The following DNAH8 variants were observed in gnomAD, a reference collection of about 807,000 sequenced individuals.
DNAH8 encodes axonemal beta dynein heavy chain 8.
A neutral mutation model predicts 562.1 loss-of-function variants in DNAH8; 382 were observed. The ratio of observed to expected loss-of-function variants is 0.68; its 90% CI spans 0.63 to 0.74. The LOEUF (loss-of-function observed/expected upper bound fraction) is 0.74, where lower values mean the gene tolerates loss of function less well. Among genes scored for constraint, DNAH8 ranks in the 30% least tolerant of loss-of-function variants. DNAH8 has a pLI of 0.00. For synonymous variants in DNAH8, 1,881 were observed against 1,919.4 expected (o/e 0.98, Z 0.52); for missense variants, 5,203 against 5,620.4 (o/e 0.93, Z 2.37).
intron 47 of DNAH8, among the ~76,000 whole-genome samples, chr6:38,867,526 T>G (rs1777132028): frequency 6.6e-6 from 1 of 150,842 alleles, no homozygotes; most frequent in African/African-American, 2.4e-5. Context: ...GAGTGGATCA[T>G]GAGGTCGGGA....
intron 20 of DNAH8, among the ~76,000 whole-genome samples, chr6:38,791,091 T>C (rs1045847010): frequency 6.6e-6 from 1 of 152,198 alleles, no homozygotes; most frequent in African/African-American, 2.4e-5. Context: ...TTCTGACATA[T>C]TGGCTACATA....
chr6:38,948,150 T>A (rs1761583231), intron 80 of DNAH8, among the ~76,000 whole-genome samples: 1 of 152,120 alleles, frequency 6.6e-6, no homozygotes, highest in Admixed American at 6.5e-5. Flanking sequence ...GTATCCTGTA[T>A]GATGAATTGT....
intron 85 of DNAH8, among the ~76,000 whole-genome samples, chr6:38,978,915 C>A (rs1763849669): frequency 6.6e-6 from 1 of 152,170 alleles, no homozygotes; most frequent in African/African-American, 2.4e-5. Flanking sequence ...TTCCTAAAAT[C>A]ATCAGTCACC....
intron 26 of DNAH8, among the ~76,000 whole-genome samples, chr6:38,821,751 A>G: frequency 6.6e-6 from 1 of 152,068 alleles, no homozygotes; most frequent in East Asian, 1.9e-4. Flanking sequence ...TTGTGGAGAT[A>G]GGATTTTGCC....
rs1777632335 is a variant in DNAH8, at chr6:38,873,496, G to T, written c.7620+120G>T. 2.5e-6 allele frequency: 2 copies of T among 810,046 alleles called. 1 individual carries two copies. The highest frequency in any genetic ancestry group is 3.7e-6 in the Non-Finnish European group (2 of 540,394). The allele number at this position is 810,046 out of a possible 1,614,324, so 50.2% of individuals were successfully genotyped here. On this transcript the variant is annotated intron_variant, in intron 52 of 92. Coordinates refer to ENST00000327475, the MANE Select transcript of DNAH8 (RefSeq NM_001206927.2). ...TCCATAAAAATCATTTGATGATGTG[G>T]CTGTAAAAGCTCTGATAATTTTGAT...
At chr6:38,775,169 A>G (rs962017523) in intron 12 of DNAH8, among the ~76,000 whole-genome samples, 1 of 152,346 alleles carries the variant, frequency 6.6e-6, no homozygotes, top group South Asian at 2.1e-4. Flanking sequence ...GCCTGTGGAC[A>G]TGAATTTTTT....
At chr6:38,926,663 T>C (rs1782147429) in intron 74 of DNAH8, among the ~76,000 whole-genome samples, 1 of 152,216 alleles carries the variant, frequency 6.6e-6, no homozygotes, top group Non-Finnish European at 1.5e-5. Flanking sequence ...CCAACATTCC[T>C]GACTCCCTTA....
At chr6:38,992,035 G>A (rs1764827399) in intron 88 of DNAH8, among the ~76,000 whole-genome samples, 1 of 151,736 alleles carries the variant, frequency 6.6e-6, no homozygotes, top group South Asian at 2.1e-4. Flanking sequence ...GCACGATCTT[G>A]GCTCACCACA....
rs770755726 is a variant in DNAH8 at position 38,795,579 on chromosome 6, CAGA to C, written c.2901+3907_2901+3909del. Among the ~76,000 whole-genome samples the C allele has an allele frequency of 4.0e-4, 43 of 107,510 alleles. 2 individuals are homozygous for C. The East Asian group carries it at 4.3e-3, about 11-fold the overall frequency. 70.5% of individuals were successfully genotyped at this position (107,510 alleles called of 152,430 possible). ...TGGGCGACAGAGCGAGACTGTGTCT[CAGA>C]AAAAAAAAAAAAAGAGTGTAAGTCA... is the stretch of plus-strand genomic sequence containing the variant. On this transcript the variant is annotated intron_variant, in intron 21 of 92. Transcript: ENST00000327475.
At chr6:38,974,347 A>G (rs747859358) in intron 84 of DNAH8, 27 bp from the exon 85 acceptor site, 1 of 1,562,866 alleles carries the variant, frequency 6.4e-7, no homozygotes, top group Non-Finnish European at 8.7e-7. Context: ...TTATAGAAAC[A>G]AAAGCACTGT....
intron 88 of DNAH8, among the ~76,000 whole-genome samples, chr6:38,994,279 C>G (rs573716605): frequency 4.6e-5 from 7 of 152,046 alleles, no homozygotes; most frequent in Admixed American, 1.3e-4. Flanking sequence ...GATAACAACC[C>G]TTTGTTTGTG....
intron 11 of DNAH8, among the ~76,000 whole-genome samples, chr6:38,768,903 T>A (rs1222562125): frequency 1.3e-5 from 2 of 152,214 alleles, no homozygotes; most frequent in Non-Finnish European, 2.9e-5. Flanking sequence ...TCTTGTTATT[T>A]TTGGGAATAG....
chr6:38,930,586 G>A (rs570749916), intron 75 of DNAH8, among the ~76,000 whole-genome samples: 1 of 152,168 alleles, frequency 6.6e-6, no homozygotes, highest in East Asian at 1.9e-4. Context: ...GTGTTCTGAA[G>A]GTTAGCATCA....
intron 76 of DNAH8, among the ~76,000 whole-genome samples, chr6:38,933,705 C>T (rs1782734861): frequency 6.6e-6 from 1 of 152,250 alleles, no homozygotes; most frequent in African/African-American, 2.4e-5. Context: ...GCCCCATCAA[C>T]TCCTGCCACC....
intron 73 of DNAH8, among the ~76,000 whole-genome samples, chr6:38,925,603 C>T (rs1440692705): frequency 1.3e-5 from 2 of 152,092 alleles, no homozygotes; most frequent in East Asian, 3.9e-4. Flanking sequence ...TATAATAACT[C>T]ATCTAATTTA....
chr6:38,835,335 G>T (rs1158597873), intron 32 of DNAH8, among the ~76,000 whole-genome samples: 1 of 129,514 alleles, frequency 7.7e-6, no homozygotes. Flanking sequence ...AAAAAAAAAA[G>T]ATCAGATGCC....
At chr6:38,893,957 G>T (rs1209221253) in intron 58 of DNAH8, among the ~76,000 whole-genome samples, 1 of 152,120 alleles carries the variant, frequency 6.6e-6, no homozygotes, top group African/African-American at 2.4e-5. Flanking sequence ...CTCTTAACGG[G>T]TATCTCTCTG....
chr6:38,862,608 A>C, intron 44 of DNAH8, 150 bp downstream of exon 44: 1 of 890,576 alleles, frequency 1.1e-6, no homozygotes. Flanking sequence ...TTTCTAGGTC[A>C]AAAATGGCTG....
chr6:39,010,457 C>T (rs750481749), intron 89 of DNAH8, among the ~76,000 whole-genome samples: 2 of 152,018 alleles, frequency 1.3e-5, no homozygotes, highest in Non-Finnish European at 2.9e-5. Context: ...CAATTTTAGG[C>T]TGGAACAATA....
Sources: allele counts gnomAD v4.1 joint callset (sites outside exome capture counted in the v4.1 genomes callset), GRCh38; gene constraint gnomAD v4.1.1; transcripts MANE v1.5; gene names NCBI Gene and HGNC (gene_info 2026-07-23, HGNC 2026-07-21).